PCDHGA8: variants seen among roughly 807,000 people sequenced by gnomAD.
PCDHGA8 encodes protocadherin gamma subfamily A, 8.
A neutral mutation model predicts 59.2 loss-of-function variants in PCDHGA8; 45 were observed. That is an observed-to-expected ratio of 0.76 (90% CI 0.60 to 0.98). The LOEUF is 0.98. PCDHGA8 is among the 50% of genes least tolerant of loss of function. The pLI is 0.00. For synonymous variants in PCDHGA8, 531 were observed against 519.0 expected (o/e 1.02, Z -0.32); for missense variants, 1,257 against 1,196.2 (o/e 1.05, Z -0.75).
chr5:141,441,954 C>T, intron 1 of PCDHGA8: 1 of 319,608 alleles, frequency 3.1e-6, no homozygotes, highest in Non-Finnish European at 6.0e-6. Context: ...TGCAGGCCAG[C>T]AAGCCCAGGC....
chr5:141,405,364 C>G, intron 1 of PCDHGA8: 1 of 1,613,548 alleles, frequency 6.2e-7, no homozygotes, highest in Non-Finnish European at 8.5e-7. Context: ...TAGAAGACAC[C>G]CCTTTGGTTC....
chr5:141,404,790 A>T, intron 1 of PCDHGA8: 1 of 1,611,288 alleles, frequency 6.2e-7, no homozygotes, highest in East Asian at 2.2e-5. Context: ...AAGGCCAGTG[A>T]GCCAGGGCTC....
intron 1 of PCDHGA8, chr5:141,413,967 G>A: frequency 6.2e-7 from 1 of 1,613,428 alleles, no homozygotes; most frequent in Non-Finnish European, 8.5e-7. Context: ...TGGGCACTCA[G>A]CTGCTGACAG....
At chr5:141,478,287 G>C (rs777542913) in intron 1 of PCDHGA8, 1 of 1,614,154 alleles carries the variant, frequency 6.2e-7, no homozygotes, top group South Asian at 1.1e-5. Context: ...AAGCAGTCTA[G>C]AGACCTATAC....
intron 1 of PCDHGA8, chr5:141,399,545 C>T (rs978973236): frequency 6.2e-7 from 1 of 1,614,050 alleles, no homozygotes; most frequent in African/African-American, 1.3e-5. Flanking sequence ...GTCTGCGCCT[C>T]GGACCTGGAC....
In PCDHGA8 at chr5:141,393,988, T is replaced by C. The variant is rs765412193; in HGVS notation, c.1175T>C (p.Phe392Ser). Residue 392 changes from phenylalanine (F) to serine (S), a missense_variant, in exon 1 of 4, where the codon TTT becomes TCT. Coordinates refer to ENST00000398604, the MANE Select transcript of PCDHGA8 (RefSeq NM_032088.2). ...TGTTACACACGTGATAATTTACCTTTTAAATTAGAAAAGTCAATAGGTAAT... is the reference window on the plus strand; with the variant it reads ...TGTTACACACGTGATAATTTACCTTCTAAATTAGAAAAGTCAATAGGTAAT... ...VVCYTRDNLP[F>S]KLEKSIGNYY... The C allele has an allele frequency of 6.2e-7, 1 of 1,613,578 alleles. No homozygotes were observed. The highest frequency in any genetic ancestry group is 8.5e-7 in the Non-Finnish European group (1 of 1,179,692).
intron 1 of PCDHGA8, chr5:141,409,281 C>A (rs1238898498): frequency 6.2e-7 from 1 of 1,613,874 alleles, no homozygotes; most frequent in Non-Finnish European, 8.5e-7. Flanking sequence ...TTGGAGAATT[C>A]ACCTCCAGGA....
intron 1 of PCDHGA8, chr5:141,427,298 G>C (rs960474831): frequency 4.4e-6 from 2 of 456,752 alleles, no homozygotes; most frequent in East Asian, 1.4e-4. Context: ...TCCTAGATGA[G>C]AATGACAATG....
chr5:141,392,979 C>T lies in PCDHGA8; in HGVS notation c.166C>T (p.Pro56Ser), dbSNP rs1356713892. The T allele has an allele frequency of 2.5e-6, 4 of 1,613,718 alleles. No individual in the cohort carries two copies. Among genetic ancestry groups the T allele is most frequent in the Admixed American group, 1.7e-5 (1 of 59,998 alleles). Residue 56 changes from proline to serine, a missense_variant, in exon 1 of 4, where the codon CCC (proline) becomes TCC (serine). By Grantham distance (74) the Pro-to-Ser change is moderately conservative. Coordinates refer to ENST00000398604, the MANE Select transcript of PCDHGA8 (RefSeq NM_032088.2). ...GNISKDLGLD[P>S]RKLAKHGVRI... ...TATCTCCAAGGACCTGGGGCTGGAC[C>T]CCCGGAAGCTGGCGAAGCACGGAGT...
At position 141,489,749 on chromosome 5, in the gene PCDHGA8, AC is replaced by A; in HGVS notation, c.2425-5057del. ...GTGGGCACCAATACTGTGAGCTTTT[AC>A]ACTCTAAGCCCCAACAGCCACTTCT... is the stretch of plus-strand genomic sequence containing the variant. On this transcript the variant is annotated intron_variant, in intron 1 of 3. Transcript: ENST00000398604. The surrounding 1 kb of genome is among the most constrained non-coding windows in gnomAD (Gnocchi z 4.5). 6.2e-7 allele frequency: 1 copy of A among 1,614,126 alleles called. No individual in the cohort carries two copies. Among genetic ancestry groups the A allele is most frequent in the Non-Finnish European group, 8.5e-7 (1 of 1,180,002 alleles).
intron 1 of PCDHGA8, chr5:141,399,375 C>T (rs548275013): frequency 1.9e-6 from 3 of 1,614,016 alleles, no homozygotes; most frequent in South Asian, 2.2e-5. Flanking sequence ...AGTACAATGT[C>T]ACCATCACAG....
intron 1 of PCDHGA8, chr5:141,422,893 C>A (rs1405800318): frequency 4.3e-6 from 7 of 1,614,246 alleles, no homozygotes; most frequent in Non-Finnish European, 5.9e-6. Context: ...CGTGCTGGAC[C>A]AGAACGACAA....
rs201386958 is a variant in PCDHGA8 at position 141,413,172 on chromosome 5, T to G, written c.2424+17935T>G. 2.6e-4 allele frequency: 413 copies of G among 1,598,292 alleles called. 3 individuals carry two copies. In the East Asian group the frequency reaches 7.0e-3, roughly 27 times the overall value. ...ACTTTGCAGAATTCTGTAACCAGACTACAATGGCCGCTCAAAGGAATCGCT... is the reference window on the plus strand; with the variant it reads ...ACTTTGCAGAATTCTGTAACCAGACGACAATGGCCGCTCAAAGGAATCGCT... On this transcript the variant is annotated intron_variant, in intron 1 of 3. Coordinates refer to ENST00000398604, the MANE Select transcript of PCDHGA8 (RefSeq NM_032088.2).
chr5:141,403,201 C>G (rs1486888915), intron 1 of PCDHGA8: 1 of 1,614,002 alleles, frequency 6.2e-7, no homozygotes, highest in East Asian at 2.2e-5. Context: ...GCAGCGGCAC[C>G]TTGGTCACCG....
intron 1 of PCDHGA8, among the ~76,000 whole-genome samples, chr5:141,400,971 C>T (rs1161811260): frequency 6.6e-6 from 1 of 152,138 alleles, no homozygotes; most frequent in African/African-American, 2.4e-5. Flanking sequence ...TCATCTCTTT[C>T]TTATGTTCCT....
rs187177915 is a variant in PCDHGA8 at position 141,472,338 on chromosome 5, G to A, written c.2425-22469G>A. ...AGGCAGATCACGAGGTTGGGAGATC[G>A]AGACCATCCTGGCTAACACGGTGAA... On this transcript the variant is annotated intron_variant, in intron 1 of 3. Transcript: ENST00000398604. Among the ~76,000 whole-genome samples, 23 of 151,526 alleles carry A rather than the reference G, an allele frequency of 1.5e-4. No homozygotes were observed. The East Asian group carries it at 3.2e-3, about 21-fold the overall frequency.
chr5:141,485,497 T>C lies in PCDHGA8; in HGVS notation c.2425-9310T>C, dbSNP rs1594488328. On this transcript the variant is annotated intron_variant, in intron 1 of 3. Coordinates refer to ENST00000398604, the MANE Select transcript of PCDHGA8 (RefSeq NM_032088.2). The surrounding 1 kb of genome is among the most constrained non-coding windows in gnomAD (Gnocchi z 5.7). ...CCAGCTGCATCGTGCCCCTGGAGTT[T>C]GTCACCGAAGGTCCTTTGGAAATGT... 6.2e-7 allele frequency: 1 copy of C among 1,614,112 alleles called. No homozygotes were observed. The highest frequency in any genetic ancestry group is 1.3e-5 in the African/African-American group (1 of 74,998).
chr5:141,485,867 G>A lies in PCDHGA8; in HGVS notation c.2425-8940G>A. On this transcript the variant is annotated intron_variant, in intron 1 of 3. Coordinates refer to ENST00000398604, the MANE Select transcript of PCDHGA8 (RefSeq NM_032088.2). The surrounding 1 kb of genome is among the most constrained non-coding windows in gnomAD (Gnocchi z 5.7). ...TGGCACCGCAGAGCTCCGGGTATCC[G>A]TGCTGGACGTAAACGACAACGCCCC... The A allele has an allele frequency of 1.9e-6, 3 of 1,614,164 alleles. No homozygotes were observed. Among genetic ancestry groups the A allele is most frequent in the Non-Finnish European group, 8.5e-7 (1 of 1,180,040 alleles).
At chr5:141,403,425 T>C in intron 1 of PCDHGA8, 1 of 1,614,040 alleles carries the variant, frequency 6.2e-7, no homozygotes, top group South Asian at 1.1e-5. Context: ...CCAGAAGCTA[T>C]TGATCCGGAT....
Sources: allele counts gnomAD v4.1 joint callset (sites outside exome capture counted in the v4.1 genomes callset), GRCh38; gene constraint gnomAD v4.1.1; non-coding constraint Gnocchi (gnomAD v3.1); transcripts MANE v1.5; gene names NCBI Gene and HGNC (gene_info 2026-07-23, HGNC 2026-07-21).